CCDC30: variants seen among roughly 807,000 people sequenced by gnomAD.
CCDC30 encodes the protein coiled-coil domain-containing protein 30.
CCDC30 carries 70 observed loss-of-function variants against 100.2 expected under a neutral mutation model. The observed-to-expected ratio is 0.70, with a 90% CI of 0.58 to 0.85. CCDC30 has a LOEUF of 0.85. CCDC30 is among the 40% of genes least tolerant of loss of function. CCDC30 has a pLI of 0.00. For missense variants in CCDC30, 652 were observed against 771.2 expected, an observed-to-expected ratio of 0.85 and a Z score of 1.83; for synonymous variants, 233 against 269.5, an observed-to-expected ratio of 0.86 and a Z score of 1.33.
At chr1:42,652,456 C>T (rs992017760) in intron 15 of CCDC30, among the ~76,000 whole-genome samples, 2 of 151,792 alleles carry the variant, frequency 1.3e-5, no homozygotes, top group South Asian at 2.1e-4. Context: ...CTTTGTACAC[C>T]GTAAGTATAG....
intron 3 of CCDC30, among the ~76,000 whole-genome samples, chr1:42,483,785 T>C (rs1028527386): frequency 1.7e-4 from 26 of 152,252 alleles, no homozygotes; most frequent in African/African-American, 5.8e-4. Context: ...GTTGTTGTTA[T>C]TGTTTTTTTA....
At chr1:42,602,192 G>A (rs1646416590) in intron 10 of CCDC30, among the ~76,000 whole-genome samples, 1 of 149,692 alleles carries the variant, frequency 6.7e-6, no homozygotes, top group Admixed American at 6.6e-5. Flanking sequence ...AAAAAGAAGA[G>A]CAAATTAAAT....
intron 12 of CCDC30, 43 bp downstream of exon 16, chr1:42,637,421 A>G: frequency 1.3e-6 from 2 of 1,573,860 alleles, no homozygotes; most frequent in Non-Finnish European, 1.7e-6. Flanking sequence ...GGTGATTCCC[A>G]TGGTCAGCCA....
chr1:42,574,992 A>C (rs2148580500), intron 7 of CCDC30, among the ~76,000 whole-genome samples: 1 of 152,350 alleles, frequency 6.6e-6, no homozygotes, highest in Non-Finnish European at 1.5e-5. Flanking sequence ...TGAGGTAAGT[A>C]GTTATTATCC....
intron 6 of CCDC30, among the ~76,000 whole-genome samples, chr1:42,542,575 G>A (rs1645035334): frequency 2.1e-5 from 2 of 93,672 alleles, no homozygotes; most frequent in East Asian, 3.5e-4. Context: ...ACGGAGTCTC[G>A]CTCTGTCGCC....
At chr1:42,532,818 G>A (rs10890199) in intron 6 of CCDC30, among the ~76,000 whole-genome samples, 3,196 of 152,298 alleles carry the variant, frequency 0.021, 50 homozygotes, top group Non-Finnish European at 0.032. Context: ...CCAGGCTGGA[G>A]TGTAGTGGCA....
intron 1 of CCDC30, among the ~76,000 whole-genome samples, chr1:42,479,902 G>A (rs1421791110): frequency 6.6e-6 from 1 of 152,134 alleles, no homozygotes; most frequent in African/African-American, 2.4e-5. Context: ...TGGGCTGGCA[G>A]GGAAGTGAAA....
chr1:42,642,192 T>C (rs543424728), intron 12 of CCDC30, among the ~76,000 whole-genome samples: 23 of 151,700 alleles, frequency 1.5e-4, no homozygotes, highest in South Asian at 4.2e-4. Context: ...CGCCACTGTA[T>C]TCCAGCCTGG....
intron 10 of CCDC30, among the ~76,000 whole-genome samples, chr1:42,598,589 A>G (rs556051864): frequency 6.3e-4 from 96 of 152,232 alleles, no homozygotes; most frequent in Non-Finnish European, 1.3e-3. Flanking sequence ...GTAGCAACAA[A>G]GAACAAGAAC....
intron 6 of CCDC30, chr1:42,500,429 T>A (rs1413081947): frequency 7.1e-6 from 6 of 849,222 alleles, no homozygotes; most frequent in Non-Finnish European, 1.2e-5. Flanking sequence ...CTTTTTTTTT[T>A]TTGAGACAGA....
intron 6 of CCDC30, among the ~76,000 whole-genome samples, chr1:42,527,830 C>A (rs1410379483): frequency 1.3e-5 from 2 of 151,822 alleles, no homozygotes; most frequent in African/African-American, 4.8e-5. Flanking sequence ...CTCATCTTCT[C>A]TACTCTTTCT....
chr1:42,584,232 A>G (rs2809656), intron 9 of CCDC30, among the ~76,000 whole-genome samples: 54,842 of 152,038 alleles, frequency 0.36, 10,081 homozygotes, highest in East Asian at 0.41. Context: ...GAAACTAGAC[A>G]AGTCAAAATG....
intron 6 of CCDC30, among the ~76,000 whole-genome samples, chr1:42,551,243 A>ACTGTG (rs58312479): frequency 0.13 from 19,539 of 152,170 alleles, 1,433 homozygotes; most frequent in East Asian, 0.17. Context: ...TTTCTACTGT[A>ACTGTG]CTGTGCTCTT....
At chr1:42,621,497 T>TTTTATTTTATTTATTTA (rs1553124500) in intron 11 of CCDC30, among the ~76,000 whole-genome samples, 4 of 145,192 alleles carry the variant, frequency 2.8e-5, no homozygotes, top group Non-Finnish European at 6.0e-5. Context: ...GTTTATTTTA[T>TTTTATTTTATTTATTTA]TTTATTTATT....
intron 6 of CCDC30, among the ~76,000 whole-genome samples, chr1:42,514,851 C>A (rs974529180): frequency 6.6e-6 from 1 of 152,102 alleles, no homozygotes; most frequent in South Asian, 2.1e-4. Context: ...TGGGGTTTCA[C>A]CATGTTGGCC....
chr1:42,474,265 G>GT (rs1282045934), intron 1 of CCDC30, among the ~76,000 whole-genome samples: 1 of 152,088 alleles, frequency 6.6e-6, no homozygotes, highest in African/African-American at 2.4e-5. Flanking sequence ...TTATCTTTCT[G>GT]TTTAACTCTG....
chr1:42,598,190 C>A (rs938874613), intron 10 of CCDC30, among the ~76,000 whole-genome samples: 1 of 151,140 alleles, frequency 6.6e-6, no homozygotes, highest in Admixed American at 6.6e-5. Flanking sequence ...AAATTACCAA[C>A]CTAGAATTCT....
chr1:42,618,171 C>T (rs1646760557), intron 11 of CCDC30, among the ~76,000 whole-genome samples: 1 of 150,524 alleles, frequency 6.6e-6, no homozygotes, highest in Non-Finnish European at 1.5e-5. Context: ...GACAGGTATA[C>T]TGCTGGATCT....
intron 6 of CCDC30, among the ~76,000 whole-genome samples, chr1:42,518,191 A>G (rs2148499668): frequency 6.6e-6 from 1 of 152,240 alleles, no homozygotes; most frequent in South Asian, 2.1e-4. Flanking sequence ...TCTCTTCATT[A>G]AGCTAATTCC....
Sources: allele counts gnomAD v4.1 joint callset (sites outside exome capture counted in the v4.1 genomes callset), GRCh38; gene constraint gnomAD v4.1.1; transcripts MANE v1.5; gene names NCBI Gene and HGNC (gene_info 2026-07-23, HGNC 2026-07-21).